DLG2: variants seen among roughly 807,000 people sequenced by gnomAD.
DLG2 encodes disks large homolog 2.
A neutral mutation model predicts 132.5 loss-of-function variants in DLG2; 45 were observed. The observed-to-expected ratio is 0.34, with a 90% CI of 0.27 to 0.44. The LOEUF (loss-of-function observed/expected upper bound fraction) is 0.44. Among genes scored for constraint, DLG2 ranks in the 20% least tolerant of loss-of-function variants. DLG2 has a pLI of 1.00. For synonymous variants in DLG2, 424 were observed against 419.6 expected (o/e 1.01, Z -0.13); for missense variants, 1,045 against 1,196.9 (o/e 0.87, Z 1.87).
chr11:83,793,399 T>C (rs1284583085), intron 17 of DLG2, among the ~76,000 whole-genome samples: 1 of 152,218 alleles, frequency 6.6e-6, no homozygotes, highest in Admixed American at 6.5e-5. Context: ...TAGCAAACTA[T>C]AGTTTAATCT....
intron 9 of DLG2, among the ~76,000 whole-genome samples, chr11:84,160,956 T>C (rs1367502018): frequency 1.3e-5 from 2 of 152,256 alleles, no homozygotes; most frequent in Middle Eastern, 3.4e-3. Flanking sequence ...TGAGGAGATA[T>C]GATAAGGTAT....
chr11:85,418,764 G>C (rs138652032), intron 3 of DLG2, among the ~76,000 whole-genome samples: 57 of 151,982 alleles, frequency 3.8e-4, no homozygotes, highest in Non-Finnish European at 6.9e-4. Context: ...ACTGCTTTTT[G>C]TTTGCTTTCC....
chr11:84,923,508 A>G (rs2092860498), intron 6 of DLG2: 3 of 1,034,550 alleles, frequency 2.9e-6, no homozygotes, highest in Admixed American at 5.1e-5. Context: ...AAATTTAACC[A>G]ATGAGTTACT....
intron 6 of DLG2, among the ~76,000 whole-genome samples, chr11:85,062,509 T>C (rs1366808255): frequency 6.6e-6 from 1 of 151,470 alleles, no homozygotes; most frequent in African/African-American, 2.4e-5. Context: ...AAATATTTTA[T>C]CTTTATAAGA....
chr11:85,542,816 T>C (rs1227622279), intron 3 of DLG2, among the ~76,000 whole-genome samples: 2 of 152,228 alleles, frequency 1.3e-5, no homozygotes, highest in Non-Finnish European at 2.9e-5. Context: ...CCCAAGGGCA[T>C]TTATTTAAAA....
At chr11:85,456,164 G>A (rs1274464183) in intron 3 of DLG2, among the ~76,000 whole-genome samples, 1 of 152,126 alleles carries the variant, frequency 6.6e-6, no homozygotes, top group Non-Finnish European at 1.5e-5. Context: ...TTCACTATTA[G>A]TCTGTTCAGG....
chr11:85,482,967 A>C (rs764824550), intron 3 of DLG2, among the ~76,000 whole-genome samples: 9 of 152,234 alleles, frequency 5.9e-5, no homozygotes, highest in Non-Finnish European at 5.9e-5. Flanking sequence ...TATATAGGAA[A>C]ATATACATAT....
rs567894958 is a variant in DLG2 at position 84,057,486 on chromosome 11, G to T, written c.919+1829C>A. ...CAATATGATTTTAGTAAATGTGAGGGTTGAAAGTCTTTCATACCACTAGAG... is the reference window on the plus strand; with the variant it reads ...CAATATGATTTTAGTAAATGTGAGGTTTGAAAGTCTTTCATACCACTAGAG... On this transcript the variant is annotated intron_variant, in intron 11 of 27. Coordinates refer to ENST00000376104, the MANE Select transcript of DLG2 (RefSeq NM_001142699.3). Among the ~76,000 whole-genome samples, 13 of 152,206 alleles carry T rather than the reference G, an allele frequency of 8.5e-5. No individual in the cohort carries two copies. In the South Asian group the frequency reaches 2.7e-3, roughly 32 times the overall value.
chr11:83,921,251 T>C (rs2077832234), intron 15 of DLG2, among the ~76,000 whole-genome samples: 1 of 152,176 alleles, frequency 6.6e-6, no homozygotes, highest in Non-Finnish European at 1.5e-5. Context: ...CATCATCATC[T>C]GTATTGTCAT....
chr11:85,149,682 T>C lies in DLG2; in HGVS notation c.282+4874A>G, dbSNP rs575599494. On this transcript the variant is annotated intron_variant, in intron 5 of 27. Transcript: ENST00000376104. The stretch of plus-strand genomic sequence containing the variant: ...ATGTATTCAATTAATATAATATCAT[T>C]TCTGTAGTGTTTGTGTTGCTTTAGA... Among the ~76,000 whole-genome samples, 4 of 152,310 alleles carry C rather than the reference T, an allele frequency of 2.6e-5. No homozygotes were observed. The East Asian group carries it at 7.7e-4, about 29-fold the overall frequency.
At chr11:84,347,049 T>C (rs1360124089) in intron 7 of DLG2, among the ~76,000 whole-genome samples, 1 of 152,098 alleles carries the variant, frequency 6.6e-6, no homozygotes, top group East Asian at 1.9e-4. Context: ...GCTAAAAAGG[T>C]CACATACAGC....
At chr11:84,569,823 G>A (rs2099473522) in intron 6 of DLG2, among the ~76,000 whole-genome samples, 1 of 152,130 alleles carries the variant, frequency 6.6e-6, no homozygotes, top group Non-Finnish European at 1.5e-5. Flanking sequence ...GAGAAGACTG[G>A]GTCATTAACA....
chr11:83,850,947 C>T (rs187104112), intron 16 of DLG2, among the ~76,000 whole-genome samples: 11 of 152,124 alleles, frequency 7.2e-5, no homozygotes, highest in Admixed American at 2.0e-4. Flanking sequence ...GAGGCCGAGG[C>T]GGGCAGATCA....
intron 6 of DLG2, among the ~76,000 whole-genome samples, chr11:84,960,110 T>G (rs1488023846): frequency 2.0e-5 from 3 of 152,192 alleles, no homozygotes; most frequent in South Asian, 2.1e-4. Context: ...ACACTAAACT[T>G]AGAGAAAATA....
chr11:85,275,395 A>T (rs1192017076), intron 4 of DLG2, among the ~76,000 whole-genome samples: 2 of 152,170 alleles, frequency 1.3e-5, no homozygotes, highest in Admixed American at 6.5e-5. Context: ...CATATGCTAG[A>T]CCTTAATCTT....
chr11:83,608,890 A>G (rs1353545268), intron 19 of DLG2, among the ~76,000 whole-genome samples: 1 of 152,180 alleles, frequency 6.6e-6, no homozygotes, highest in Non-Finnish European at 1.5e-5. Flanking sequence ...ATTATAATTT[A>G]AAATCCAACA....
chr11:84,640,246 G>A, intron 6 of DLG2: 1 of 310,994 alleles, frequency 3.2e-6, no homozygotes, highest in Non-Finnish European at 6.3e-6. Flanking sequence ...TTAACAGTGG[G>A]CTTCCATTAC....
intron 7 of DLG2, among the ~76,000 whole-genome samples, chr11:84,395,619 T>C (rs376196567): frequency 6.6e-6 from 1 of 152,196 alleles, no homozygotes; most frequent in South Asian, 2.1e-4. Context: ...GGTTTTGCCA[T>C]GTTGCCCAGG....
rs1273009948 is a variant in DLG2 at position 85,324,194 on chromosome 11, CT to C, written c.41-38830del. 3.9e-5 allele frequency among the ~76,000 whole-genome samples: 6 copies of C among 152,320 alleles called. No homozygotes were observed. In the South Asian group the frequency reaches 6.2e-4, roughly 16 times the overall value. ...TATGTAGGCCCAGAGAGCTTCTCCA[CT>C]TCTCCCCTGAGTTCACCAGAATTCC... is the stretch of plus-strand genomic sequence containing the variant. On this transcript the variant is annotated intron_variant, in intron 3 of 27. Coordinates refer to ENST00000376104, the MANE Select transcript of DLG2 (RefSeq NM_001142699.3).
Sources: gnomAD v4.1 joint callset for allele counts (sites outside exome capture counted in the v4.1 genomes callset) on GRCh38, gnomAD v4.1.1 for gene constraint, MANE v1.5 for transcripts, NCBI Gene and HGNC (gene_info 2026-07-23, HGNC 2026-07-21) for gene names.